The following TMEM151B variants were observed in gnomAD, a reference collection of about 807,000 sequenced individuals.
TMEM151B encodes the protein transmembrane protein 151B.
TMEM151B carries 18 observed loss-of-function variants against 33.0 expected under a neutral mutation model. The ratio of observed to expected loss-of-function variants is 0.55; its 90% CI spans 0.38 to 0.81. The LOEUF (loss-of-function observed/expected upper bound fraction) is 0.81, where lower values mean the gene tolerates loss of function less well. TMEM151B is among the 30% of genes least tolerant of loss of function. The pLI, the probability that TMEM151B is intolerant of heterozygous loss-of-function variation, is 0.00. For synonymous variants in TMEM151B, 354 were observed against 373.6 expected (o/e 0.95, Z 0.61); for missense variants, 672 against 843.4 (o/e 0.80, Z 2.52).
rs377270121 is a variant in TMEM151B at position 44,273,196 on chromosome 6, G to A, written c.266G>A (p.Arg89His). 7.1e-6 allele frequency: 11 copies of A among 1,549,544 alleles called. No individual in the cohort carries two copies. Among genetic ancestry groups the A allele is most frequent in the African/African-American group, 5.5e-5 (4 of 73,028 alleles). Residue 89 changes from arginine to histidine, a missense_variant, in exon 2 of 3, where the codon CGC becomes CAC. Physicochemically the swap from Arg to His is conservative, Grantham distance 29 (BLOSUM62 0). This residue lies in a region of TMEM151B where 285 missense variants were observed against 423.1 expected (regional missense o/e 0.67). Coordinates refer to ENST00000451188, the MANE Select transcript of TMEM151B (RefSeq NM_001137560.2). ...TGGTGCCACGTCACCACAGTGACGC[G>A]CCTCACCTTCAGCAGCGCCTACCAG... ...VAWCHVTTVT[R>H]LTFSSAYQGN...
Position 44,277,026 on chromosome 6 carries a change from C to T in TMEM151B, c.*499C>T, listed in dbSNP as rs1782620317. On this transcript the variant is annotated 3_prime_UTR_variant, in exon 3 of 3. Coordinates refer to ENST00000451188, the MANE Select transcript of TMEM151B (RefSeq NM_001137560.2). ...TGGTGACCAGCAGGCTGGATTCCAA[C>T]TAGCTAATGCATTCAGCAGGTCTGA... The T allele has an allele frequency of 6.5e-6, 1 of 152,936 alleles. No homozygotes were observed. Among genetic ancestry groups the T allele is most frequent in the African/African-American group, 2.4e-5 (1 of 41,488 alleles). The allele number at this position is 152,936 out of a possible 1,614,324, so 9.5% of individuals were successfully genotyped here.
intron 2 of TMEM151B, among the ~76,000 whole-genome samples, chr6:44,274,645 T>G (rs1782496063): frequency 6.6e-6 from 1 of 151,840 alleles, no homozygotes; most frequent in Non-Finnish European, 1.5e-5. Flanking sequence ...CTTTAGGGAG[T>G]GCTTCTGGGG....
At position 44,276,551 on chromosome 6, in the gene TMEM151B, G is replaced by A. The variant is rs1265362202; in HGVS notation, c.*24G>A. 10 of 1,333,276 alleles carry A rather than the reference G, an allele frequency of 7.5e-6. No homozygotes were observed. Among genetic ancestry groups the A allele is most frequent in the Admixed American group, 3.5e-5 (1 of 28,310 alleles). The allele number at this position is 1,333,276 out of a possible 1,614,324, so 82.6% of individuals were successfully genotyped here. ...GACCTCCGGCCCCGGAGTGGCCCGC[G>A]CCGTCCTCCCGCCTGCCCCTCGCCG... On this transcript the variant is annotated 3_prime_UTR_variant, in exon 3 of 3. Transcript: ENST00000451188.
In TMEM151B at chr6:44,270,534, C is replaced by A. The variant is rs1358621780; in HGVS notation, c.-209C>A. The A allele has an allele frequency of 6.7e-6, 1 of 148,880 alleles. No homozygotes were observed. The highest frequency in any genetic ancestry group is 1.5e-5 in the Non-Finnish European group (1 of 68,272). The allele number at this position is 148,880 out of a possible 1,614,324, so 9.2% of individuals were successfully genotyped here. A position where few individuals can be genotyped will look rare whatever the true frequency, so the allele number is the denominator to read the frequency against. On this transcript the variant is annotated 5_prime_UTR_variant, in exon 1 of 3. Transcript: ENST00000451188. ...GTGACACCCGCCCCCGGCCCCGGCC[C>A]CCCCCGGCCCGGCCCCCCAGCCTGC...
chr6:44,274,130 G>A (rs1413853725), intron 2 of TMEM151B, among the ~76,000 whole-genome samples: 2 of 152,090 alleles, frequency 1.3e-5, no homozygotes, highest in Non-Finnish European at 1.5e-5. Flanking sequence ...TGGGAGAATC[G>A]CTTGAGCCTG....
rs374849089 is a variant in TMEM151B at position 44,273,137 on chromosome 6, G to A, written c.207G>A (p.Ser69=). The change falls in exon 2 of 3, where the codon TCG becomes TCA. Residue 69 remains serine, a synonymous_variant. Coordinates refer to ENST00000451188, the MANE Select transcript of TMEM151B (RefSeq NM_001137560.2). ...RESHWKCLLL[S]LLMYGCLGAV... ...CCCACTGGAAGTGCCTCCTGCTCTC[G>A]CTGCTCATGTACGGCTGCCTGGGGG... 745 of 1,535,088 alleles carry A rather than the reference G, an allele frequency of 4.9e-4. 2 individuals are homozygous for A. The highest frequency in any genetic ancestry group is 1.2e-3 in the South Asian group (102 of 83,050).
rs1186854585 is a variant in TMEM151B, at chr6:44,278,822, G to C, written c.*2295G>C. ...AATCTCTAAAATTAAACTTTACACT[G>C]AATGTTCTTGTTTCTCTAATTAGAA... On this transcript the variant is annotated 3_prime_UTR_variant, in exon 3 of 3. Transcript: ENST00000451188. 6.6e-6 allele frequency: 1 copy of C among 151,986 alleles called. No homozygotes were observed. Among genetic ancestry groups the C allele is most frequent in the African/African-American group, 2.4e-5 (1 of 41,346 alleles). The allele number at this position is 151,986 out of a possible 1,614,324, so 9.4% of individuals were successfully genotyped here. A position where few individuals can be genotyped will look rare whatever the true frequency, so the allele number is the denominator to read the frequency against.
chr6:44,274,661 A>C (rs991381448), intron 2 of TMEM151B, among the ~76,000 whole-genome samples: 1 of 152,206 alleles, frequency 6.6e-6, no homozygotes, highest in African/African-American at 2.4e-5. Flanking sequence ...TGGGGAACCC[A>C]TTGGGAAACA....
At position 44,275,696 on chromosome 6, in the gene TMEM151B, G is replaced by C; in HGVS notation, c.870G>C (p.Pro290=). The C allele has an allele frequency of 6.4e-7, 1 of 1,550,688 alleles. No individual in the cohort carries two copies. The highest frequency in any genetic ancestry group is 8.7e-7 in the Non-Finnish European group (1 of 1,146,694). Residue 290 remains proline, a synonymous_variant, in exon 3 of 3, where the codon CCG becomes CCC. Transcript: ENST00000451188. ...AGTTCATGGTGGCCTTCCCGGACCC[G>C]GCCCGGCCGCCCTGGTACGCCTGCT... is the stretch of plus-strand genomic sequence containing the variant. ...FREFMVAFPD[P]ARPPWYACSS...
In TMEM151B at chr6:44,276,101, C is replaced by T. The variant is rs1561918503; in HGVS notation, c.1275C>T (p.Gly425=). Residue 425 remains glycine, a synonymous_variant, in exon 3 of 3, where the codon GGC becomes GGT. Transcript: ENST00000451188. ...YGGVGGPGAA[G]VAPYRRSCEH... ...GGGTAGGCGGCCCGGGCGCGGCGGG[C>T]GTGGCTCCCTACCGGCGCAGCTGCG... 2.3e-6 allele frequency: 3 copies of T among 1,322,168 alleles called. No individual in the cohort carries two copies. The highest frequency in any genetic ancestry group is 2.9e-6 in the Non-Finnish European group (3 of 1,044,954). 81.9% of individuals were successfully genotyped at this position (1,322,168 alleles called of 1,614,324 possible). A position where few individuals can be genotyped will look rare whatever the true frequency, so the allele number is the denominator to read the frequency against.
In TMEM151B at chr6:44,275,954, C is replaced by T; in HGVS notation, c.1128C>T (p.His376=). 6.8e-7 allele frequency: 1 copy of T among 1,475,292 alleles called. No homozygotes were observed. The highest frequency in any genetic ancestry group is 9.0e-7 in the Non-Finnish European group (1 of 1,108,294). The allele number at this position is 1,475,292 out of a possible 1,614,324, so 91.4% of individuals were successfully genotyped here. The change falls in exon 3 of 3, where the codon CAC becomes CAT. Residue 376 remains histidine (H), a synonymous_variant. Coordinates refer to ENST00000451188, the MANE Select transcript of TMEM151B (RefSeq NM_001137560.2). ...NTVDSTELEW[H]IRSNQQLVPS... is the part of the protein sequence containing the mutation. ...TAGACAGCACGGAGCTCGAGTGGCA[C>T]ATCCGCTCCAACCAGCAGCTGGTGC...
At position 44,276,192 on chromosome 6, in the gene TMEM151B, A is replaced by T; in HGVS notation, c.1366A>T (p.Ser456Cys). Residue 456 changes from serine (S) to cysteine (C), a missense_variant, in exon 3 of 3, where the codon AGC becomes TGC. This residue lies in a region of TMEM151B where 324 missense variants were observed against 363.1 expected (regional missense o/e 0.89). Transcript: ENST00000451188. Reference sequence around the variant, plus strand: ...GCGCAGCGCCCTAAGCATCTGCGCCAGCCCGCGGGCCGGCCCGGGGCCCGG... The same window carrying T: ...GCGCAGCGCCCTAAGCATCTGCGCCTGCCCGCGGGCCGGCCCGGGGCCCGG... Reference protein sequence around the residue: ...FSRSALSICASPRAGPGPGGG... With the variant: ...FSRSALSICACPRAGPGPGGG... 7.7e-7 allele frequency: 1 copy of T among 1,290,736 alleles called. No homozygotes were observed. The highest frequency in any genetic ancestry group is 9.8e-7 in the Non-Finnish European group (1 of 1,023,858). The allele number at this position is 1,290,736 out of a possible 1,614,324, so 80.0% of individuals were successfully genotyped here. A position where few individuals can be genotyped will look rare whatever the true frequency, so the allele number is the denominator to read the frequency against.
At position 44,276,654 on chromosome 6, in the gene TMEM151B, G is replaced by T; in HGVS notation, c.*127G>T. On this transcript the variant is annotated 3_prime_UTR_variant, in exon 3 of 3. Coordinates refer to ENST00000451188, the MANE Select transcript of TMEM151B (RefSeq NM_001137560.2). ...GCGGGGGGCAGGGAAAGGGAGGTGA[G>T]GGCCGCAAGACAGGCCCGGATGGGG... 1 of 1,281,910 alleles carries T rather than the reference G, an allele frequency of 7.8e-7. No individual in the cohort carries two copies. The highest frequency in any genetic ancestry group is 9.9e-7 in the Non-Finnish European group (1 of 1,015,136). The allele number at this position is 1,281,910 out of a possible 1,614,324, so 79.4% of individuals were successfully genotyped here.
chr6:44,272,796 C>T (rs896424740), intron 1 of TMEM151B, among the ~76,000 whole-genome samples: 1 of 152,094 alleles, frequency 6.6e-6, no homozygotes, highest in Non-Finnish European at 1.5e-5. Flanking sequence ...TCCTTCTCTG[C>T]CTCTTGGGGT....
Position 44,279,066 on chromosome 6 carries a change from G to C in TMEM151B, c.*2539G>C, listed in dbSNP as rs1201972172. 1 of 152,330 alleles carries C rather than the reference G, an allele frequency of 6.6e-6. No individual in the cohort carries two copies. The highest frequency in any genetic ancestry group is 1.5e-5 in the Non-Finnish European group (1 of 68,124). The allele number at this position is 152,330 out of a possible 1,614,324, so 9.4% of individuals were successfully genotyped here. ...CTGGAGAGCAGGCACTCCTGGACTGGGGTTGTAGCCCATGACCTGCCCTTT... is the reference window on the plus strand; with the variant it reads ...CTGGAGAGCAGGCACTCCTGGACTGCGGTTGTAGCCCATGACCTGCCCTTT... On this transcript the variant is annotated 3_prime_UTR_variant, in exon 3 of 3. Coordinates refer to ENST00000451188, the MANE Select transcript of TMEM151B (RefSeq NM_001137560.2).
Position 44,270,816 on chromosome 6 carries a change from C to T in TMEM151B, c.74C>T (p.Ser25Leu), listed in dbSNP as rs1213744893. The T allele has an allele frequency of 9.7e-6, 11 of 1,130,974 alleles. No individual in the cohort carries two copies. The highest frequency in any genetic ancestry group is 1.1e-5 in the Non-Finnish European group (10 of 925,344). 70.1% of individuals were successfully genotyped at this position (1,130,974 alleles called of 1,614,324 possible). Residue 25 changes from serine to leucine, a missense_variant, in exon 1 of 3, where the codon TCG becomes TTG. Transcript: ENST00000451188. Reference protein sequence around the residue: ...GGGGGGGPGVSEELTAAAAAA... With the variant: ...GGGGGGGPGVLEELTAAAAAA... Reference sequence around the variant, plus strand: ...GGCGGCGGTGGCGGCCCCGGGGTCTCGGAGGAGCTCACGGCGGCGGCGGCA... The same window carrying T: ...GGCGGCGGTGGCGGCCCCGGGGTCTTGGAGGAGCTCACGGCGGCGGCGGCA...
At position 44,276,107 on chromosome 6, in the gene TMEM151B, T is replaced by A; in HGVS notation, c.1281T>A (p.Ala427=). The A allele has an allele frequency of 7.6e-7, 1 of 1,321,290 alleles. No homozygotes were observed. Among genetic ancestry groups the A allele is most frequent in the Non-Finnish European group, 9.6e-7 (1 of 1,044,524 alleles). 81.8% of individuals were successfully genotyped at this position (1,321,290 alleles called of 1,614,324 possible). ...GVGGPGAAGV[A]PYRRSCEHCQ... is the part of the protein sequence containing the mutation. Reference sequence around the variant, plus strand: ...GCGGCCCGGGCGCGGCGGGCGTGGCTCCCTACCGGCGCAGCTGCGAGCACT... The same window carrying A: ...GCGGCCCGGGCGCGGCGGGCGTGGCACCCTACCGGCGCAGCTGCGAGCACT... Residue 427 remains alanine, a synonymous_variant, in exon 3 of 3, where the codon GCT becomes GCA. Coordinates refer to ENST00000451188, the MANE Select transcript of TMEM151B (RefSeq NM_001137560.2).
intron 2 of TMEM151B, 26 bp from the exon 3 acceptor site, chr6:44,275,377 C>G (rs1254694792): frequency 1.4e-6 from 2 of 1,473,556 alleles, no homozygotes; most frequent in South Asian, 2.7e-5. Context: ...TCCCCGCGAC[C>G]CCGCCGCCTG....
intron 1 of TMEM151B, among the ~76,000 whole-genome samples, chr6:44,271,636 C>G (rs1375512057): frequency 2.0e-5 from 3 of 152,036 alleles, no homozygotes; most frequent in African/African-American, 7.3e-5. Context: ...GGTAGGCACA[C>G]GAAGGGGCCC....
Sources: gnomAD v4.1 joint callset for allele counts (sites outside exome capture counted in the v4.1 genomes callset) on GRCh38, gnomAD v4.1.1 for gene constraint, gnomAD v4.1.1 regional missense constraint, MANE v1.5 for transcripts, NCBI Gene and HGNC (gene_info 2026-07-23, HGNC 2026-07-21) for gene names.